Variants in CER1 observed in about 807,000 individuals in gnomAD.
The protein encoded by CER1 is cerberus 1, DAN family BMP antagonist.
In CER1, 10 loss-of-function variants were observed where a neutral mutation model predicts 11.8. The ratio of observed to expected loss-of-function variants is 0.85; its 90% confidence interval spans 0.52 to 1.44. CER1 has a LOEUF of 1.44. Among genes scored for constraint, CER1 ranks in the 40% most tolerant of loss-of-function variants. The pLI is 0.00. For missense variants in CER1, 431 were observed against 327.0 expected, an observed-to-expected ratio of 1.32 and a Z score of -2.45; for synonymous variants, 141 against 122.3, an observed-to-expected ratio of 1.15 and a Z score of -1.01.
chr9:14,722,510 C>A lies in CER1; in HGVS notation c.163G>T (p.Asp55Tyr). 2 of 1,614,238 alleles carry A rather than the reference C, an allele frequency of 1.2e-6. No homozygotes were observed. The highest frequency in any genetic ancestry group is 1.7e-6 in the Non-Finnish European group (2 of 1,180,050). Residue 55 changes from aspartate to tyrosine, a missense_variant, in exon 1 of 2, where the codon GAT becomes TAT. Coordinates refer to ENST00000380911, the MANE Select transcript of CER1 (RefSeq NM_005454.3). ...GNHEEAEEKP[D>Y]LFVAVPHLVA... is the part of the protein sequence containing the mutation. ...AGGTGTGGCACTGCGACAAACAGAT[C>A]TGGCTTCTCCTCAGCTTCCTCATGG...
chr9:14,720,391 A>G lies in CER1; in HGVS notation c.508-5T>C. ...ACAGCCTTCGTGGGTTATAGTCTAA[A>G]AAGCAAACACATTTCCATTACGTTA... On this transcript the variant is annotated splice_region_variant and splice_polypyrimidine_tract_variant and intron_variant, in intron 1 of 1. Transcript: ENST00000380911. The G allele has an allele frequency of 6.2e-7, 1 of 1,603,606 alleles. No homozygotes were observed. Among genetic ancestry groups the G allele is most frequent in the Non-Finnish European group, 8.5e-7 (1 of 1,172,078 alleles).
downstream of CER1, among the ~76,000 whole-genome samples, chr9:14,719,166 T>G (rs546212486): frequency 1.3e-5 from 2 of 152,284 alleles, no homozygotes; most frequent in African/African-American, 2.4e-5. Context: ...ATTGAATTTT[T>G]GGGGGTTACT....
At chr9:14,718,635 T>C (rs1839965986), downstream of CER1, among the ~76,000 whole-genome samples, 1 of 152,158 alleles carries the variant, frequency 6.6e-6, no homozygotes, top group Admixed American at 6.6e-5. Context: ...ACAGTTATTC[T>C]GGGAAATGTG....
Position 14,722,262 on chromosome 9 carries a change from G to T in CER1, c.411C>A (p.Phe137Leu). Residue 137 changes from phenylalanine to leucine, a missense_variant, in exon 1 of 2, where the codon TTC becomes TTA. Physicochemically the swap from Phe to Leu is conservative, Grantham distance 22. Coordinates refer to ENST00000380911, the MANE Select transcript of CER1 (RefSeq NM_005454.3). ...GAGAAGCCGGAGTTTTTCTGAACAT[G>T]AAGTGGTGCCAGAATTTCTTGGCTT... ...REEAKKFWHH[F>L]MFRKTPASQG... 6.2e-7 allele frequency: 1 copy of T among 1,614,234 alleles called. No individual in the cohort carries two copies. Among genetic ancestry groups the T allele is most frequent in the Non-Finnish European group, 8.5e-7 (1 of 1,180,046 alleles).
downstream of CER1, among the ~76,000 whole-genome samples, chr9:14,719,527 GTGCC>G (rs796774315): frequency 0.057 from 6,910 of 120,604 alleles, 336 homozygotes; most frequent in Admixed American, 0.11. Context: ...GCCTGCCTGC[GTGCC>G]TGCCTGCCTG....
chr9:14,719,982 T>A lies in CER1; in HGVS notation c.*108A>T, dbSNP rs1839984915. 9.9e-7 allele frequency: 1 copy of A among 1,012,656 alleles called. No individual in the cohort carries two copies. Among genetic ancestry groups the A allele is most frequent in the Non-Finnish European group, 1.5e-6 (1 of 673,780 alleles). The allele number at this position is 1,012,656 out of a possible 1,614,324, so 62.7% of individuals were successfully genotyped here. On this transcript the variant is annotated 3_prime_UTR_variant, in exon 2 of 2. Coordinates refer to ENST00000380911, the MANE Select transcript of CER1 (RefSeq NM_005454.3). The stretch of plus-strand genomic sequence containing the variant: ...TTCTAATTTAAAACTACGTTTCAAG[T>A]CACCTTTCCCTGAAAATGTTATGTA...
rs1839987195 is a variant in CER1, at chr9:14,720,113, A to G, written c.781T>C (p.Phe261Leu). 6.2e-7 allele frequency: 1 copy of G among 1,613,660 alleles called. No homozygotes were observed. Among genetic ancestry groups the G allele is most frequent in the African/African-American group, 1.3e-5 (1 of 74,922 alleles). ...HILHAGSQDSFIPGVSA is the reference protein window; with the variant it reads ...HILHAGSQDSLIPGVSA ...CTTCAAGCTGAAACTCCTGGGATAA[A>G]GGAATCCTGGGAGCCAGCATGTAGG... Residue 261 changes from phenylalanine (F) to leucine (L), a missense_variant, in exon 2 of 2, where the codon TTT becomes CTT. Physicochemically the swap from Phe to Leu is conservative, Grantham distance 22 (BLOSUM62 0). Transcript: ENST00000380911.
chr9:14,721,676 C>G (rs1286344382), intron 1 of CER1, among the ~76,000 whole-genome samples: 1 of 152,056 alleles, frequency 6.6e-6, no homozygotes, highest in East Asian at 1.9e-4. Flanking sequence ...GGATTAAGAC[C>G]ATCGTAAATG....
chr9:14,722,498 C>A lies in CER1; in HGVS notation c.175G>T (p.Ala59Ser). ...EAEEKPDLFV[A>S]VPHLVATSPA... ...CTGGTGGCTACAAGGTGTGGCACTG[C>A]GACAAACAGATCTGGCTTCTCCTCA... The change falls in exon 1 of 2, where the codon GCA (alanine) becomes TCA (serine). Residue 59 changes from alanine to serine, a missense_variant. Transcript: ENST00000380911. The A allele has an allele frequency of 1.2e-6, 2 of 1,614,150 alleles. No homozygotes were observed. Among genetic ancestry groups the A allele is most frequent in the East Asian group, 4.5e-5 (2 of 44,882 alleles).
rs754480891 is a variant in CER1 at position 14,722,430 on chromosome 9, G to A, written c.243C>T (p.Ser81=). Residue 81 remains serine, a synonymous_variant, in exon 1 of 2, where the codon TCC becomes TCT. Coordinates refer to ENST00000380911, the MANE Select transcript of CER1 (RefSeq NM_005454.3). The part of the protein sequence containing the change: ...EGQRQREKML[S]RFGRFWKKPE... ...GCTTCTTCCAGAACCTGCCAAATCT[G>A]GACAGCATCTTCTCTCTCTGCCTCT... The A allele has an allele frequency of 1.2e-6, 2 of 1,614,166 alleles. No individual in the cohort carries two copies. The highest frequency in any genetic ancestry group is 8.5e-7 in the Non-Finnish European group (1 of 1,180,026).
chr9:14,720,179 A>G lies in CER1; in HGVS notation c.715T>C (p.Cys239Arg). 1 of 1,613,832 alleles carries G rather than the reference A, an allele frequency of 6.2e-7. No homozygotes were observed. ...TGCTCCGTCTTCACCTTGCACTGGC[A>G]CTCCTCCACCAGCATCACCACCTTG... is the stretch of plus-strand genomic sequence containing the variant. ...VIKVVMLVEECQCKVKTEHED... is the reference protein window; with the variant it reads ...VIKVVMLVEERQCKVKTEHED... The change falls in exon 2 of 2, where the codon TGC becomes CGC. Residue 239 changes from cysteine (C) to arginine (R), a missense_variant. Coordinates refer to ENST00000380911, the MANE Select transcript of CER1 (RefSeq NM_005454.3).
In CER1 at chr9:14,719,906, C is replaced by G; in HGVS notation, c.*184G>C. 1 of 587,302 alleles carries G rather than the reference C, an allele frequency of 1.7e-6. No individual in the cohort carries two copies. Among genetic ancestry groups the G allele is most frequent in the Non-Finnish European group, 3.0e-6 (1 of 333,324 alleles). The allele number at this position is 587,302 out of a possible 1,614,324, so 36.4% of individuals were successfully genotyped here. ...CGGCTAGTTAGTGGCAGAGCTGAGA[C>G]AAGGTCTCAAACGTGTACCAATAAC... On this transcript the variant is annotated 3_prime_UTR_variant, in exon 2 of 2. Transcript: ENST00000380911.
At position 14,720,147 on chromosome 9, in the gene CER1, A is replaced by G; in HGVS notation, c.747T>C (p.Asp249=). Residue 249 remains aspartate, a synonymous_variant, in exon 2 of 2, where the codon GAT becomes GAC. Transcript: ENST00000380911. ...GGGAGCCAGCATGTAGGATGTGTCC[A>G]TCTTCATGCTCCGTCTTCACCTTGC... ...CQCKVKTEHE[D]GHILHAGSQD... The G allele has an allele frequency of 6.2e-7, 1 of 1,614,156 alleles. No homozygotes were observed.
rs1356144273 is a variant in CER1 at position 14,720,156 on chromosome 9, C to T, written c.738G>A (p.Glu246=). ...VEECQCKVKT[E]HEDGHILHAG... Reference sequence around the variant, plus strand: ...CATGTAGGATGTGTCCATCTTCATGCTCCGTCTTCACCTTGCACTGGCACT... The same window carrying T: ...CATGTAGGATGTGTCCATCTTCATGTTCCGTCTTCACCTTGCACTGGCACT... Residue 246 remains glutamate, a synonymous_variant, in exon 2 of 2, where the codon GAG becomes GAA. Transcript: ENST00000380911. 1.2e-6 allele frequency: 2 copies of T among 1,614,186 alleles called. No homozygotes were observed. Among genetic ancestry groups the T allele is most frequent in the Non-Finnish European group, 1.7e-6 (2 of 1,180,038 alleles).
chr9:14,722,162 A>G lies in CER1; in HGVS notation c.507+4T>C. ...CTTACCTGCTCTCCCCCCAGAACAC[A>G]TACCTGGCTGAAGGGCACTGTCCTG... is the stretch of plus-strand genomic sequence containing the variant. On this transcript the variant is annotated splice_donor_region_variant and intron_variant, in intron 1 of 1. Coordinates refer to ENST00000380911, the MANE Select transcript of CER1 (RefSeq NM_005454.3). 1 of 1,611,308 alleles carries G rather than the reference A, an allele frequency of 6.2e-7. No individual in the cohort carries two copies. Among genetic ancestry groups the G allele is most frequent in the South Asian group, 1.1e-5 (1 of 90,510 alleles).
At chr9:14,721,188 T>C (rs1484435137) in intron 1 of CER1, among the ~76,000 whole-genome samples, 1 of 152,204 alleles carries the variant, frequency 6.6e-6, no homozygotes, top group Non-Finnish European at 1.5e-5. Flanking sequence ...CCTTGAACAG[T>C]CAATTGCCCT....
intron 1 of CER1, among the ~76,000 whole-genome samples, chr9:14,721,953 A>G (rs1316652898): frequency 6.6e-6 from 1 of 152,224 alleles, no homozygotes; most frequent in Non-Finnish European, 1.5e-5. Flanking sequence ...GTATCATCAT[A>G]TCATTCTTGC....
At chr9:14,721,293 C>T in intron 1 of CER1, among the ~76,000 whole-genome samples, 1 of 152,112 alleles carries the variant, frequency 6.6e-6, no homozygotes, top group South Asian at 2.1e-4. Context: ...GTTTAAGGAC[C>T]TAATGCAAGT....
chr9:14,719,561 GCCTTCCTTCCTTCCTTCCTTCCTTCCTT>G (rs1229695964), downstream of CER1, among the ~76,000 whole-genome samples: 5 of 62,534 alleles, frequency 8.0e-5, no homozygotes, highest in African/African-American at 3.1e-4. Flanking sequence ...CTGCCTGCCT[GCCTTCCTTCCTTCCTTCCTTCCTTCCTT>G]CCTTCCTTCC....
Sources: gnomAD v4.1 joint callset for allele counts (sites outside exome capture counted in the v4.1 genomes callset) on GRCh38, gnomAD v4.1.1 for gene constraint, MANE v1.5 for transcripts, NCBI Gene and HGNC (gene_info 2026-07-23, HGNC 2026-07-21) for gene names.